ATP5MJ: variants seen among roughly 807,000 people sequenced by gnomAD.
The protein encoded by ATP5MJ is ATP synthase membrane subunit j.
Under a neutral mutation model 8.3 loss-of-function variants are expected in ATP5MJ, and 4 were observed. That is an observed-to-expected ratio of 0.48 (90% confidence interval 0.24 to 1.11). The LOEUF is 1.11. ATP5MJ is among the 50% of genes least tolerant of loss of function. The pLI is 0.18. For missense variants in ATP5MJ, 66 were observed against 71.8 expected (o/e 0.92, Z 0.29); for synonymous variants, 23 against 21.3 (o/e 1.08, Z -0.23).
intron 1 of ATP5MJ, among the ~76,000 whole-genome samples, chr14:103,919,392 A>G (rs2087653843): frequency 6.6e-6 from 1 of 151,748 alleles, no homozygotes; most frequent in African/African-American, 2.4e-5. Context: ...TTAAAAAAAA[A>G]AAAAAAAAAA....
chr14:103,914,839 A>G, intron 2 of ATP5MJ: 1 of 203,826 alleles, frequency 4.9e-6, no homozygotes. Flanking sequence ...ACTGTCTCCA[A>G]AAAAAAAAAA....
intron 1 of ATP5MJ, 147 bp downstream of exon 1, chr14:103,921,323 T>G: frequency 3.4e-6 from 1 of 290,228 alleles, no homozygotes; most frequent in South Asian, 5.3e-5. Flanking sequence ...CCTACCTCCC[T>G]TCAGAGAAGG....
chr14:103,921,228 A>G, intron 1 of ATP5MJ: 1 of 577,418 alleles, frequency 1.7e-6, no homozygotes, highest in Non-Finnish European at 3.1e-6. Context: ...CCGTGGGAGA[A>G]TTCAGGTGCA....
chr14:103,915,576 A>G (rs2087619037), intron 1 of ATP5MJ, among the ~76,000 whole-genome samples: 1 of 151,442 alleles, frequency 6.6e-6, no homozygotes, highest in South Asian at 2.1e-4. Flanking sequence ...CGAACTCCTG[A>G]GTGCAGGCGA....
rs533273486 is a variant in ATP5MJ at position 103,914,855 on chromosome 14, AAAG to A, written c.124+208_124+210del. 6.0e-4 allele frequency: 260 copies of A among 436,160 alleles called. 1 individual carries two copies. Among genetic ancestry groups the A allele is most frequent in the African/African-American group, 3.7e-3 (157 of 42,440 alleles). 27.0% of individuals were successfully genotyped at this position (436,160 alleles called of 1,614,324 possible). A position where few individuals can be genotyped will look rare whatever the true frequency, so the allele number is the denominator to read the frequency against. On this transcript the variant is annotated intron_variant, in intron 2 of 3. Transcript: ENST00000286953. ...CTGTCTCCAAAAAAAAAAAAAAAAA[AAAG>A]AAAAGAAAAGAAAAAAAAAATTCCC...
At chr14:103,919,679 G>C (rs1046077351) in intron 1 of ATP5MJ, among the ~76,000 whole-genome samples, 2 of 152,102 alleles carry the variant, frequency 1.3e-5, no homozygotes, top group Admixed American at 6.6e-5. Flanking sequence ...CCCTGGTATG[G>C]TCTCCTTACA....
chr14:103,915,340 G>T, intron 1 of ATP5MJ, 151 bp from the exon 2 acceptor site: 1 of 798,324 alleles, frequency 1.3e-6, no homozygotes, highest in East Asian at 2.7e-5. Context: ...TGCACTCACA[G>T]GGGACTCACA....
chr14:103,914,803 C>A, intron 2 of ATP5MJ: 1 of 469,778 alleles, frequency 2.1e-6, no homozygotes, highest in Non-Finnish European at 3.6e-6. Context: ...TGCCATTGCA[C>A]TCCAGCCTGG....
At chr14:103,914,646 A>G (rs1472637567) in intron 2 of ATP5MJ, 1 of 591,964 alleles carries the variant, frequency 1.7e-6, no homozygotes, top group South Asian at 2.2e-5. Flanking sequence ...ACAAAAAAAA[A>G]AAGTACAAAA....
At chr14:103,919,204 G>A (rs1264953834) in intron 1 of ATP5MJ, among the ~76,000 whole-genome samples, 5 of 150,884 alleles carry the variant, frequency 3.3e-5, no homozygotes, top group East Asian at 2.0e-4. Flanking sequence ...CTAACATGGC[G>A]AAACCATCTC....
chr14:103,918,554 G>A (rs1286537904), intron 1 of ATP5MJ, among the ~76,000 whole-genome samples: 1 of 151,764 alleles, frequency 6.6e-6, no homozygotes, highest in African/African-American at 2.4e-5. Flanking sequence ...TAGAGACTTG[G>A]TTTCACTGTG....
chr14:103,918,921 C>T (rs909775056), intron 1 of ATP5MJ, among the ~76,000 whole-genome samples: 3 of 151,788 alleles, frequency 2.0e-5, no homozygotes, highest in African/African-American at 7.3e-5. Context: ...ACTCGGAAGG[C>T]CGAGGCAGGA....
At chr14:103,914,272 CAT>C (rs1217915947) in intron 2 of ATP5MJ, 7 of 565,624 alleles carry the variant, frequency 1.2e-5, no homozygotes, top group Middle Eastern at 3.6e-4. Flanking sequence ...GGCTTAGTAA[CAT>C]GTGATTGGGC....
At chr14:103,914,619 G>T in intron 2 of ATP5MJ, 1 of 611,002 alleles carries the variant, frequency 1.6e-6, no homozygotes, top group South Asian at 2.0e-5. Flanking sequence ...TGGGTAACAT[G>T]GCAAAACCCC....
At chr14:103,913,367 C>A (rs1595877002) in intron 3 of ATP5MJ, 1 of 153,648 alleles carries the variant, frequency 6.5e-6, no homozygotes, top group South Asian at 2.1e-4. Context: ...AAAAACACAT[C>A]ATTACGGGTA....
chr14:103,912,956 C>G, intron 3 of ATP5MJ: 1 of 497,434 alleles, frequency 2.0e-6, no homozygotes, highest in Non-Finnish European at 3.6e-6. Flanking sequence ...ACTCATGTAG[C>G]CAGTCCTGGG....
chr14:103,914,837 C>CAAAAAGGAAAAAAAA lies in ATP5MJ; in HGVS notation c.124+228_124+229insTTTTTTTTCCTTTTT, dbSNP rs370479683. On this transcript the variant is annotated intron_variant, in intron 2 of 3. Coordinates refer to ENST00000286953, the MANE Select transcript of ATP5MJ (RefSeq NM_004894.3). ...GGGCGTCAGAGTGAGAGACTGTCTCCAAAAAAAAAAAAAAAAAAAAGAAAA... is the reference window on the plus strand; with the variant it reads ...GGGCGTCAGAGTGAGAGACTGTCTCCAAAAAGGAAAAAAAAAAAAAAAAAAAAAAAAAAAAGAAAA... The CAAAAAGGAAAAAAAA allele has an allele frequency of 2.3e-4, 43 of 191,078 alleles. 2 individuals are homozygous for CAAAAAGGAAAAAAAA. The Admixed American group carries it at 4.2e-3, about 19-fold the overall frequency. The allele number at this position is 191,078 out of a possible 1,614,324, so 11.8% of individuals were successfully genotyped here.
chr14:103,914,837 C>CAAAAAAAAAAAAAAAAAAAAAAAAAAA (rs35916279), intron 2 of ATP5MJ: 27 of 191,074 alleles, frequency 1.4e-4, no homozygotes, highest in South Asian at 2.7e-4. Flanking sequence ...AGACTGTCTC[C>CAAAAAAAAAAAAAAAAAAAAAAAAAAA]AAAAAAAAAA....
At chr14:103,921,415 C>G (rs1012509103) in intron 1 of ATP5MJ, 55 bp downstream of exon 1, 12 of 228,456 alleles carry the variant, frequency 5.3e-5, no homozygotes, top group African/African-American at 2.7e-4. Context: ...GCTTCTCGCC[C>G]TCCCGCCCCC....
Sources: gnomAD v4.1 joint callset for allele counts (sites outside exome capture counted in the v4.1 genomes callset) on GRCh38, gnomAD v4.1.1 for gene constraint, MANE v1.5 for transcripts, NCBI Gene and HGNC (gene_info 2026-07-23, HGNC 2026-07-21) for gene names.